Variants in BIRC6 observed in about 807,000 individuals in gnomAD.
BIRC6 encodes baculoviral IAP repeat containing 6.
A neutral mutation model predicts 503.3 loss-of-function variants in BIRC6; 98 were observed. The ratio of observed to expected loss-of-function variants is 0.19; its 90% confidence interval spans 0.17 to 0.23. The LOEUF (loss-of-function observed/expected upper bound fraction) is 0.23. Ranked by LOEUF, BIRC6 falls within the 10% of genes least tolerant of loss-of-function variation. The pLI is 1.00. For synonymous variants in BIRC6, 2,240 were observed against 2,078.7 expected (o/e 1.08, Z -2.11); for missense variants, 5,360 against 5,806.0 (o/e 0.92, Z 2.50).
Position 32,464,487 on chromosome 2 carries a change from G to A in BIRC6, c.4942-22G>A. ...AGGTAGGCAGGATTAGTCTATATAT[G>A]TTGCTTTTACTTCTTTTGCAGAAAG... On this transcript the variant is annotated intron_variant, in intron 24 of 73. Transcript: ENST00000421745. The A allele has an allele frequency of 3.2e-6, 5 of 1,543,654 alleles. No individual in the cohort carries two copies. In the South Asian group the frequency reaches 6.0e-5, roughly 19 times the overall value.
chr2:32,589,211 A>G (rs1487711802), intron 66 of BIRC6, among the ~76,000 whole-genome samples: 1 of 152,224 alleles, frequency 6.6e-6, no homozygotes, highest in Non-Finnish European at 1.5e-5. Flanking sequence ...CTCTATGTTC[A>G]GTGTAAAGTG....
chr2:32,539,851 A>G (rs1559008422), intron 61 of BIRC6, among the ~76,000 whole-genome samples: 1 of 152,110 alleles, frequency 6.6e-6, no homozygotes, highest in Non-Finnish European at 1.5e-5. Context: ...GAGAAACAAG[A>G]AAGTCGTACA....
In BIRC6 at chr2:32,439,625, A is replaced by G; in HGVS notation, c.3749A>G (p.Lys1250Arg). The G allele has an allele frequency of 6.2e-7, 1 of 1,613,986 alleles. No homozygotes were observed. Among genetic ancestry groups the G allele is most frequent in the Non-Finnish European group, 8.5e-7 (1 of 1,179,872 alleles). Reference protein sequence around the residue: ...MRPVVRLPSLKHQSNKGYSLA... With the variant: ...MRPVVRLPSLRHQSNKGYSLA... ...CCTGTAGTAAGGCTTCCATCCCTAA[A>G]ACACCAGAGTAACAAGGGTTATTCA... Residue 1250 changes from lysine (K) to arginine (R), a missense_variant, in exon 16 of 74, where the codon AAA becomes AGA. Physicochemically the swap from Lys to Arg is conservative, Grantham distance 26 (BLOSUM62 2). Around this residue, in one of 16 missense-constraint regions of BIRC6, gnomAD observed 2,299 missense variants for 2,267.2 expected, o/e 1.01. Transcript: ENST00000421745.
intron 59 of BIRC6, chr2:32,528,963 AAAAAG>A (rs2056510057): frequency 6.6e-6 from 1 of 152,146 alleles, no homozygotes; most frequent in African/African-American, 2.4e-5. Context: ...AAAAAGAAAA[AAAAAG>A]AAATCTGAAA....
At chr2:32,500,701 G>A (rs1009846087) in intron 46 of BIRC6, among the ~76,000 whole-genome samples, 2 of 149,950 alleles carry the variant, frequency 1.3e-5, no homozygotes, top group Non-Finnish European at 3.0e-5. Context: ...CGCCTCCTAG[G>A]TTCAAGCAAT....
intron 65 of BIRC6, 22 bp downstream of exon 65, chr2:32,549,503 G>A (rs774597490): frequency 7.4e-7 from 1 of 1,357,904 alleles, no homozygotes; most frequent in Non-Finnish European, 9.7e-7. Flanking sequence ...CTGTAAATGT[G>A]TCTGTGGATG....
chr2:32,373,771 A>G (rs1028452724), intron 1 of BIRC6, among the ~76,000 whole-genome samples: 1 of 152,210 alleles, frequency 6.6e-6, no homozygotes, highest in African/African-American at 2.4e-5. Context: ...GCAGGGAATC[A>G]AGGAGATATT....
At chr2:32,504,212 A>G (rs538133142) in intron 49 of BIRC6, among the ~76,000 whole-genome samples, 2 of 151,988 alleles carry the variant, frequency 1.3e-5, no homozygotes, top group Non-Finnish European at 1.5e-5. Context: ...AAGTAGTACT[A>G]TCTTTTTTAA....
chr2:32,362,034 CA>C (rs2149097945), intron 1 of BIRC6, among the ~76,000 whole-genome samples: 1 of 152,258 alleles, frequency 6.6e-6, no homozygotes, highest in Non-Finnish European at 1.5e-5. Context: ...GTTTTCAAAT[CA>C]TTTGGGTAAA....
chr2:32,478,098 C>A (rs149340893), intron 35 of BIRC6, among the ~76,000 whole-genome samples: 1 of 151,846 alleles, frequency 6.6e-6, no homozygotes, highest in Non-Finnish European at 1.5e-5. Context: ...CCCAACACTT[C>A]GGGAGGCGGA....
chr2:32,540,405 T>A (rs1559009926), intron 61 of BIRC6, among the ~76,000 whole-genome samples: 1 of 152,050 alleles, frequency 6.6e-6, no homozygotes, highest in Admixed American at 6.5e-5. Context: ...AAATAATTTA[T>A]TTGTGTTTTA....
chr2:32,514,840 A>G (rs1191782884), intron 54 of BIRC6, 150 bp from the exon 55 acceptor site: 1 of 603,522 alleles, frequency 1.7e-6, no homozygotes, highest in South Asian at 2.2e-5. Context: ...ATATATATAT[A>G]TGCAGTCTTA....
Position 32,485,701 on chromosome 2 carries a change from G to A in BIRC6, c.7755G>A (p.Met2585Ile), listed in dbSNP as rs780003549. 6 of 1,613,778 alleles carry A rather than the reference G, an allele frequency of 3.7e-6. No individual in the cohort carries two copies. The highest frequency in any genetic ancestry group is 3.3e-5 in the South Asian group (3 of 91,054). ...LEQQAELMLK[M>I]MSTLEADSIL... The stretch of plus-strand genomic sequence containing the variant: ...AGCAAGCAGAACTGATGTTGAAAAT[G>A]ATGTCTACTCTGGAGGCAGATTCCA... Residue 2585 changes from methionine to isoleucine, a missense_variant, in exon 40 of 74, where the codon ATG becomes ATA. Met to Ile is a conservative substitution (Grantham distance 10). Transcript: ENST00000421745.
rs199970506 is a variant in BIRC6 at position 32,505,102 on chromosome 2, C to T, written c.9597C>T (p.Tyr3199=). 7 of 1,611,500 alleles carry T rather than the reference C, an allele frequency of 4.3e-6. No individual in the cohort carries two copies. Among genetic ancestry groups the T allele is most frequent in the Non-Finnish European group, 5.9e-6 (7 of 1,178,772 alleles). Residue 3199 remains tyrosine, a synonymous_variant, in exon 50 of 74, where the codon TAC becomes TAT. Coordinates refer to ENST00000421745, the MANE Select transcript of BIRC6 (RefSeq NM_016252.4). ...HRRARSAAWS[Y]IFLPEEAWCD... ...GAGCTCGCTCTGCTGCTTGGTCCTA[C>T]ATCTTTCTTCCAGAGGAGGCTTGGT...
intron 72 of BIRC6, among the ~76,000 whole-genome samples, chr2:32,608,037 C>A (rs1312003006): frequency 6.8e-6 from 1 of 146,064 alleles, no homozygotes; most frequent in African/African-American, 2.5e-5. Flanking sequence ...ATTCTATTTG[C>A]CTTTATATGT....
chr2:32,439,293 G>T (rs1390769670), intron 15 of BIRC6, among the ~76,000 whole-genome samples: 1 of 152,040 alleles, frequency 6.6e-6, no homozygotes, highest in Non-Finnish European at 1.5e-5. Flanking sequence ...AAAGATAATG[G>T]TTTTATGCTA....
chr2:32,573,438 C>G (rs1399122506), intron 65 of BIRC6, among the ~76,000 whole-genome samples: 1 of 152,138 alleles, frequency 6.6e-6, no homozygotes, highest in East Asian at 1.9e-4. Context: ...CCCGGTGATC[C>G]ATCAGCCTCA....
intron 65 of BIRC6, chr2:32,557,770 A>G (rs1176227671): frequency 6.6e-6 from 1 of 152,212 alleles, no homozygotes; most frequent in Non-Finnish European, 1.5e-5. Context: ...AGCTATACCT[A>G]ACATAGTCAA....
At chr2:32,608,546 C>G (rs539885518) in intron 72 of BIRC6, among the ~76,000 whole-genome samples, 40 of 152,156 alleles carry the variant, frequency 2.6e-4, no homozygotes, top group Admixed American at 9.8e-4. Flanking sequence ...TCCCAAGTAG[C>G]TGGGATTACG....
Sources: gnomAD v4.1 joint callset for allele counts (sites outside exome capture counted in the v4.1 genomes callset) on GRCh38, gnomAD v4.1.1 for gene constraint, gnomAD v4.1.1 regional missense constraint, MANE v1.5 for transcripts, NCBI Gene and HGNC (gene_info 2026-07-23, HGNC 2026-07-21) for gene names.